OR7E24: variants seen among roughly 807,000 people sequenced by gnomAD.
OR7E24 encodes the protein olfactory receptor family 7 subfamily E member 24.
For synonymous variants in OR7E24, 130 were observed against 157.5 expected (o/e 0.83, Z 1.31); for missense variants, 385 against 410.3 (o/e 0.94, Z 0.53).
chr19:9,237,528 G>T, the OR7E24 span, among the ~76,000 whole-genome samples: 1 of 151,942 alleles, frequency 6.6e-6, no homozygotes, highest in Admixed American at 6.6e-5. Flanking sequence ...CGTTAGCCAG[G>T]ATGGTCTCGA....
upstream of OR7E24, among the ~76,000 whole-genome samples, chr19:9,244,164 T>A (rs1268371971): frequency 1.3e-5 from 2 of 152,248 alleles, no homozygotes; most frequent in African/African-American, 4.8e-5. Context: ...ACCTTGGGAA[T>A]CCACTCTCCA....
At position 9,251,075 on chromosome 19, in the gene OR7E24, T is replaced by C. The variant is rs868181465; in HGVS notation, c.32T>C (p.Phe11Ser). 3.8e-6 allele frequency: 6 copies of C among 1,598,226 alleles called. No homozygotes were observed. Among genetic ancestry groups the C allele is most frequent in the Middle Eastern group, 1.7e-4 (1 of 6,008 alleles). MSYFPILFFFFLKRCPSYTEP... is the reference protein window; with the variant it reads MSYFPILFFFSLKRCPSYTEP... ...TATTTTCCAATTCTCTTTTTTTTTT[T>C]CCTCAAAAGGTGTCCGAGCTACACA... The change falls in exon 1 of 1, where the codon TTC (phenylalanine) becomes TCC (serine). Residue 11 changes from phenylalanine (F) to serine (S), a missense_variant. Physicochemically the swap from Phe to Ser is radical, Grantham distance 155. Transcript: ENST00000456448.
At chr19:9,225,502 AAAC>A in the OR7E24 span, among the ~76,000 whole-genome samples, 20 of 151,864 alleles carry the variant, frequency 1.3e-4, no homozygotes, top group East Asian at 3.9e-4. Context: ...AGGAATAAAA[AAAC>A]AACAAAAAGG....
the OR7E24 span, among the ~76,000 whole-genome samples, chr19:9,238,691 T>C: frequency 0.2 from 30,854 of 152,102 alleles, 5,191 homozygotes; most frequent in African/African-American, 0.46. Context: ...TCCCCTCACT[T>C]CACAGCCTCT....
At chr19:9,210,086 C>T in the OR7E24 span, 4 of 152,154 alleles carry the variant, frequency 2.6e-5, no homozygotes, top group Non-Finnish European at 5.9e-5. Context: ...TTTAAAAGCT[C>T]CCAACTCCCA....
chr19:9,218,131 C>G, the OR7E24 span, among the ~76,000 whole-genome samples: 1 of 152,162 alleles, frequency 6.6e-6, no homozygotes, highest in Non-Finnish European at 1.5e-5. Context: ...TGGTGCCCAG[C>G]ACATTACTGA....
chr19:9,237,435 T>C, the OR7E24 span, among the ~76,000 whole-genome samples: 8 of 152,018 alleles, frequency 5.3e-5, no homozygotes, highest in Non-Finnish European at 8.8e-5. Context: ...CTCAGCCTCC[T>C]GAGTAGCTGG....
the OR7E24 span, chr19:9,214,781 A>T: frequency 6.2e-7 from 1 of 1,613,896 alleles, no homozygotes; most frequent in Non-Finnish European, 8.5e-7. Flanking sequence ...GTTCAGGATC[A>T]TCTGAGAGTC....
At chr19:9,214,337 G>A in the OR7E24 span, 4 of 1,614,110 alleles carry the variant, frequency 2.5e-6, no homozygotes, top group South Asian at 2.2e-5. Context: ...CTGTGGAGAA[G>A]GTCAACCTCT....
At chr19:9,232,344 C>T in the OR7E24 span, among the ~76,000 whole-genome samples, 1 of 152,018 alleles carries the variant, frequency 6.6e-6, no homozygotes, top group Non-Finnish European at 1.5e-5. Flanking sequence ...TAGAGACCAT[C>T]CTGGCCAACA....
the OR7E24 span, among the ~76,000 whole-genome samples, chr19:9,228,832 T>G: frequency 1.3e-5 from 2 of 152,214 alleles, no homozygotes; most frequent in East Asian, 1.9e-4. Flanking sequence ...GTTGTGGATA[T>G]GTCCTATACA....
the OR7E24 span, among the ~76,000 whole-genome samples, chr19:9,218,496 G>A: frequency 6.6e-6 from 1 of 152,162 alleles, no homozygotes; most frequent in Non-Finnish European, 1.5e-5. Flanking sequence ...TGCTTAACCC[G>A]ATAAACAATG....
At chr19:9,235,443 G>C in the OR7E24 span, 1 of 1,607,286 alleles carries the variant, frequency 6.2e-7, no homozygotes, top group South Asian at 1.1e-5. Context: ...GCCTCACTCA[G>C]GTGTATTTTT....
At chr19:9,227,749 CTTTTTTT>C in the OR7E24 span, among the ~76,000 whole-genome samples, 16 of 107,904 alleles carry the variant, frequency 1.5e-4, no homozygotes, top group South Asian at 2.4e-3. Context: ...AATGGTATTT[CTTTTTTT>C]TTTTTTTTTT....
the OR7E24 span, chr19:9,207,141 A>G: frequency 6.6e-6 from 1 of 152,214 alleles, no homozygotes; most frequent in Non-Finnish European, 1.5e-5. Flanking sequence ...ATTTTTAGTA[A>G]GCACTTGGAA....
chr19:9,231,726 G>T, the OR7E24 span, among the ~76,000 whole-genome samples: 1 of 151,954 alleles, frequency 6.6e-6, no homozygotes, highest in African/African-American at 2.4e-5. Flanking sequence ...CTATTATTGT[G>T]ATGAACTATG....
the OR7E24 span, among the ~76,000 whole-genome samples, chr19:9,236,529 T>G: frequency 2.1e-4 from 32 of 151,318 alleles, no homozygotes; most frequent in East Asian, 6.3e-3. Context: ...AAAAAAAAGG[T>G]TTTTGTATTA....
At chr19:9,236,140 C>T in the OR7E24 span, 172 of 859,768 alleles carry the variant, frequency 2.0e-4, no homozygotes, top group South Asian at 8.3e-4. Context: ...AATGTGAATG[C>T]GCATATCCTA....
upstream of OR7E24, chr19:9,247,660 G>T (rs1047843007): frequency 7.5e-6 from 3 of 397,468 alleles, no homozygotes; most frequent in Admixed American, 1.3e-4. Flanking sequence ...TATTTTCAGG[G>T]TTTATGTTCA....
Sources: allele counts gnomAD v4.1 joint callset (sites outside exome capture counted in the v4.1 genomes callset), GRCh38; gene constraint gnomAD v4.1.1; transcripts MANE v1.5; gene names NCBI Gene and HGNC (gene_info 2026-07-23, HGNC 2026-07-21).